Variants in ZNF407 observed in about 807,000 individuals in gnomAD.
ZNF407 encodes zinc finger protein 407.
ZNF407 carries 17 observed loss-of-function variants against 131.2 expected under a neutral mutation model. The observed-to-expected ratio is 0.13, with a 90% CI of 0.09 to 0.19. The LOEUF (loss-of-function observed/expected upper bound fraction) is 0.19. Ranked by LOEUF, ZNF407 falls within the 10% of genes least tolerant of loss-of-function variation. ZNF407 has a pLI of 1.00. For synonymous variants in ZNF407, 1,156 were observed against 1,062.0 expected, an observed-to-expected ratio of 1.09 and a Z score of -1.72; for missense variants, 2,681 against 2,830.6, an observed-to-expected ratio of 0.95 and a Z score of 1.20.
intron 3 of ZNF407, among the ~76,000 whole-genome samples, chr18:74,750,086 CAG>C (rs1221521404): frequency 1.3e-5 from 2 of 152,182 alleles, no homozygotes; most frequent in Non-Finnish European, 2.9e-5. Flanking sequence ...GTAAGCTTCT[CAG>C]ACTGGTTTAC....
chr18:74,726,039 A>G (rs1211859476), intron 3 of ZNF407, among the ~76,000 whole-genome samples: 3 of 152,186 alleles, frequency 2.0e-5, no homozygotes, highest in Non-Finnish European at 4.4e-5. Context: ...CATTGTGCCC[A>G]GCTATTGTAG....
intron 4 of ZNF407, among the ~76,000 whole-genome samples, chr18:74,830,228 C>T (rs142310357): frequency 1.6e-4 from 24 of 152,282 alleles, no homozygotes; most frequent in African/African-American, 5.5e-4. Context: ...TATTTTGTTA[C>T]GGCAGCCCTA....
chr18:74,718,951 C>A (rs1967961076), intron 3 of ZNF407, among the ~76,000 whole-genome samples: 1 of 152,162 alleles, frequency 6.6e-6, no homozygotes, highest in Non-Finnish European at 1.5e-5. Context: ...AATATATCTT[C>A]TCTAGTCTTC....
At chr18:74,798,278 G>A (rs1363398636) in intron 4 of ZNF407, among the ~76,000 whole-genome samples, 1 of 149,546 alleles carries the variant, frequency 6.7e-6, no homozygotes, top group East Asian at 2.0e-4. Flanking sequence ...ACACAAAATT[G>A]TTGATTTTTT....
chr18:74,895,455 C>A (rs1176268307), intron 7 of ZNF407, among the ~76,000 whole-genome samples: 2 of 152,034 alleles, frequency 1.3e-5, no homozygotes, highest in Admixed American at 1.3e-4. Flanking sequence ...GTATCGACAT[C>A]CTTGAAAATT....
At chr18:74,683,248 G>A (rs1967026487) in intron 3 of ZNF407, among the ~76,000 whole-genome samples, 1 of 152,124 alleles carries the variant, frequency 6.6e-6, no homozygotes, top group Non-Finnish European at 1.5e-5. Context: ...AGTGGATATG[G>A]CAGTCAGAGA....
chr18:74,647,951 C>G (rs149772649), intron 3 of ZNF407, among the ~76,000 whole-genome samples: 1 of 152,038 alleles, frequency 6.6e-6, no homozygotes, highest in Admixed American at 6.6e-5. Context: ...CACATTTGGA[C>G]GTTTTTAACA....
rs1206357981 is a variant in ZNF407, at chr18:74,865,654, TA to T, written c.4878-11542del. On this transcript the variant is annotated intron_variant, in intron 4 of 8. Transcript: ENST00000299687. ...TTGAAAAATTAGTATAAATGATCTATATCCAGTATTTATTGATGTCTATCTG... is the reference window on the plus strand; with the variant it reads ...TTGAAAAATTAGTATAAATGATCTATTCCAGTATTTATTGATGTCTATCTG... Among the ~76,000 whole-genome samples the T allele has an allele frequency of 3.3e-5, 5 of 152,352 alleles. 1 individual carries two copies. In the South Asian group the frequency reaches 1.0e-3, roughly 32 times the overall value.
At chr18:74,778,349 C>T (rs2145018810) in intron 3 of ZNF407, among the ~76,000 whole-genome samples, 1 of 152,316 alleles carries the variant, frequency 6.6e-6, no homozygotes, top group South Asian at 2.1e-4. Context: ...GGCACCGTGC[C>T]TTCATCCTCT....
chr18:74,711,103 A>T (rs562699824), intron 3 of ZNF407, among the ~76,000 whole-genome samples: 1 of 151,946 alleles, frequency 6.6e-6, no homozygotes, highest in African/African-American at 2.4e-5. Context: ...TTCTCCATGG[A>T]TGCTATTAAT....
At chr18:74,629,438 G>T (rs1983949157) in intron 1 of ZNF407, among the ~76,000 whole-genome samples, 2 of 152,132 alleles carry the variant, frequency 1.3e-5, no homozygotes, top group Admixed American at 1.3e-4. Context: ...TATTTTAGAT[G>T]CAAGTCCCTT....
At chr18:74,984,529 T>C (rs145844101) in intron 8 of ZNF407, among the ~76,000 whole-genome samples, 1 of 152,262 alleles carries the variant, frequency 6.6e-6, no homozygotes, top group African/African-American at 2.4e-5. Context: ...TAAGTTGTTA[T>C]GACCTTTTAT....
At chr18:74,629,428 TA>T (rs1983948582) in intron 1 of ZNF407, among the ~76,000 whole-genome samples, 2 of 152,252 alleles carry the variant, frequency 1.3e-5, no homozygotes, top group Admixed American at 1.3e-4. Flanking sequence ...TTTAAAAATA[TA>T]TTTTAGATGC....
chr18:74,948,124 AC>A (rs1223335688), intron 8 of ZNF407, among the ~76,000 whole-genome samples: 2 of 152,212 alleles, frequency 1.3e-5, no homozygotes, highest in Non-Finnish European at 1.5e-5. Context: ...TATAGAGGCT[AC>A]TATTCTGTTC....
chr18:74,627,281 G>A (rs1290421805), intron 1 of ZNF407, among the ~76,000 whole-genome samples: 3 of 152,154 alleles, frequency 2.0e-5, no homozygotes, highest in Non-Finnish European at 4.4e-5. Flanking sequence ...ATCTCTTACA[G>A]TGTAAGCTCT....
chr18:74,831,939 A>G (rs778928286), intron 4 of ZNF407, among the ~76,000 whole-genome samples: 3 of 152,148 alleles, frequency 2.0e-5, no homozygotes, highest in Non-Finnish European at 2.9e-5. Context: ...GATCCTGTCA[A>G]TTCTCTCGTG....
chr18:74,721,087 G>A (rs968075479), intron 3 of ZNF407, among the ~76,000 whole-genome samples: 1 of 152,000 alleles, frequency 6.6e-6, no homozygotes, highest in Non-Finnish European at 1.5e-5. Flanking sequence ...GCTTTGGGTA[G>A]TATTGTCATT....
intron 3 of ZNF407, among the ~76,000 whole-genome samples, chr18:74,728,276 T>C (rs942036913): frequency 2.0e-5 from 3 of 152,144 alleles, no homozygotes; most frequent in African/African-American, 7.2e-5. Flanking sequence ...ATCTCAGAGT[T>C]CAAAGTGAAT....
chr18:74,765,156 C>T (rs79022996), intron 3 of ZNF407, among the ~76,000 whole-genome samples: 3,030 of 152,118 alleles, frequency 0.02, 150 homozygotes, highest in East Asian at 0.17. Context: ...AACCAATTCC[C>T]CAGGAATACC....
Sources: allele counts gnomAD v4.1 joint callset (sites outside exome capture counted in the v4.1 genomes callset), GRCh38; gene constraint gnomAD v4.1.1; transcripts MANE v1.5; gene names NCBI Gene and HGNC (gene_info 2026-07-23, HGNC 2026-07-21).